The following INHBB variants were observed in gnomAD, a reference collection of about 807,000 sequenced individuals.
The protein encoded by INHBB is inhibin beta B chain.
INHBB carries 8 observed loss-of-function variants against 28.9 expected under a neutral mutation model. The observed-to-expected ratio is 0.28, with a 90% confidence interval of 0.16 to 0.50. The LOEUF (loss-of-function observed/expected upper bound fraction) is 0.50, where lower values mean the gene tolerates loss of function less well. INHBB is among the 20% of genes least tolerant of loss of function. The pLI, the probability that INHBB is intolerant of heterozygous loss-of-function variation, is 0.98. For missense variants in INHBB, 499 were observed against 597.8 expected (o/e 0.83, Z 1.72); for synonymous variants, 293 against 262.7 (o/e 1.12, Z -1.12).
At chr2:120,347,150 G>C (rs886639323) in intron 1 of INHBB, among the ~76,000 whole-genome samples, 1 of 152,174 alleles carries the variant, frequency 6.6e-6, no homozygotes, top group Non-Finnish European at 1.5e-5. Flanking sequence ...TTCCATCACC[G>C]GCGGCGTGGG....
chr2:120,348,170 G>C (rs949851666), intron 1 of INHBB, among the ~76,000 whole-genome samples: 1 of 145,726 alleles, frequency 6.9e-6, no homozygotes, highest in Non-Finnish European at 1.5e-5. Context: ...GGCATGGTGG[G>C]AGGTTTGATA....
In INHBB at chr2:120,349,057, T is replaced by G. The variant is rs1488842766; in HGVS notation, c.449-42T>G. On this transcript the variant is annotated intron_variant, in intron 1 of 1. Transcript: ENST00000295228. The surrounding 1 kb of genome is among the most constrained non-coding windows in gnomAD (Gnocchi z 5.6). ...GTGTGTTTCCCCCATTGCCTTGTGT[T>G]CTCCTTGAATTAACTTGGCTCGCCC... 1 of 1,554,936 alleles carries G rather than the reference T, an allele frequency of 6.4e-7. No homozygotes were observed. The highest frequency in any genetic ancestry group is 1.9e-5 in the Admixed American group (1 of 53,932).
rs1350803575 is a variant in INHBB, at chr2:120,346,594, G to A, written c.406G>A (p.Gly136Ser). 1 of 1,453,806 alleles carries A rather than the reference G, an allele frequency of 6.9e-7. No individual in the cohort carries two copies. The highest frequency in any genetic ancestry group is 9.0e-7 in the Non-Finnish European group (1 of 1,109,876). 90.1% of individuals were successfully genotyped at this position (1,453,806 alleles called of 1,614,324 possible). A position where few individuals can be genotyped will look rare whatever the true frequency, so the allele number is the denominator to read the frequency against. The change falls in exon 1 of 2, where the codon GGC becomes AGC. Residue 136 changes from glycine (G) to serine (S), a missense_variant. This residue lies in a region of INHBB where 385 missense variants were observed against 415.2 expected (regional missense o/e 0.93). Coordinates refer to ENST00000295228, the MANE Select transcript of INHBB (RefSeq NM_002193.4). ...CGGCCACGCCAGCCCGGGCGCCGAC[G>A]GCCAGGAGCGCGTTTCCGAAATCAT... ...LDGHASPGADGQERVSEIISF... is the reference protein window; with the variant it reads ...LDGHASPGADSQERVSEIISF...
rs1691245542 is a variant in INHBB, at chr2:120,350,779, T to C, written c.*905T>C. The stretch of plus-strand genomic sequence containing the variant: ...TTGTTCTAAATGGAAAGAAAAAAAG[T>C]TGCAATCTGTGCCCTTCATTGGGGA... On this transcript the variant is annotated 3_prime_UTR_variant, in exon 2 of 2. Transcript: ENST00000295228. The C allele has an allele frequency of 6.6e-6, 1 of 152,270 alleles. No individual in the cohort carries two copies. The highest frequency in any genetic ancestry group is 1.5e-5 in the Non-Finnish European group (1 of 68,050). 9.4% of individuals were successfully genotyped at this position (152,270 alleles called of 1,614,324 possible).
In INHBB at chr2:120,349,927, C is replaced by T. The variant is rs1573388968; in HGVS notation, c.*53C>T. The stretch of plus-strand genomic sequence containing the variant: ...GGCACGGAGGGCAGTCCCGGGTGGG[C>T]TTCTTCCAGCCCCCGCGGGAACGGG... On this transcript the variant is annotated 3_prime_UTR_variant, in exon 2 of 2. Coordinates refer to ENST00000295228, the MANE Select transcript of INHBB (RefSeq NM_002193.4). This position sits in a 1 kb window ranked among gnomAD's most constrained non-coding sequence, Gnocchi z 5.6. The T allele has an allele frequency of 6.4e-7, 1 of 1,554,246 alleles. No individual in the cohort carries two copies. Among genetic ancestry groups the T allele is most frequent in the Non-Finnish European group, 8.7e-7 (1 of 1,143,530 alleles).
In INHBB at chr2:120,351,656, C is replaced by T. The variant is rs548844896; in HGVS notation, c.*1782C>T. The T allele has an allele frequency of 6.6e-6, 1 of 152,328 alleles. No individual in the cohort carries two copies. The highest frequency in any genetic ancestry group is 2.1e-4 in the South Asian group (1 of 4,828). 9.4% of individuals were successfully genotyped at this position (152,328 alleles called of 1,614,324 possible). A position where few individuals can be genotyped will look rare whatever the true frequency, so the allele number is the denominator to read the frequency against. On this transcript the variant is annotated 3_prime_UTR_variant, in exon 2 of 2. Coordinates refer to ENST00000295228, the MANE Select transcript of INHBB (RefSeq NM_002193.4). ...CTATGATAGAATGCAGGTGTGTATC[C>T]TTAAATCCTCATCTTTATGTTTATT... is the stretch of plus-strand genomic sequence containing the variant.
rs754953119 is a variant in INHBB at position 120,349,467 on chromosome 2, C to T, written c.817C>T (p.Arg273Trp). Residue 273 changes from arginine (R) to tryptophan (W), a missense_variant, in exon 2 of 2, where the codon CGG becomes TGG. Coordinates refer to ENST00000295228, the MANE Select transcript of INHBB (RefSeq NM_002193.4). This position sits in a 1 kb window ranked among gnomAD's most constrained non-coding sequence, Gnocchi z 5.6. ...VFVDPGEESH[R>W]PFVVVQARLG... ...CGTGGACCCAGGCGAAGAGTCGCAC[C>T]GGCCCTTTGTGGTGGTGCAGGCTCG... 2.0e-5 allele frequency: 32 copies of T among 1,613,584 alleles called. No individual in the cohort carries two copies. The highest frequency in any genetic ancestry group is 4.5e-5 in the East Asian group (2 of 44,896).
In INHBB at chr2:120,346,546, C is replaced by T; in HGVS notation, c.358C>T (p.Arg120Cys). 1 of 1,513,414 alleles carries T rather than the reference C, an allele frequency of 6.6e-7. No homozygotes were observed. Among genetic ancestry groups the T allele is most frequent in the Non-Finnish European group, 8.8e-7 (1 of 1,137,414 alleles). 93.7% of individuals were successfully genotyped at this position (1,513,414 alleles called of 1,614,324 possible). A position where few individuals can be genotyped will look rare whatever the true frequency, so the allele number is the denominator to read the frequency against. ...LHAGKVREDG[R>C]VEIPHLDGHA... ...CGCGGGCAAGGTGCGCGAGGACGGCCGCGTGGAGATCCCGCACCTCGACGG... is the reference window on the plus strand; with the variant it reads ...CGCGGGCAAGGTGCGCGAGGACGGCTGCGTGGAGATCCCGCACCTCGACGG... Residue 120 changes from arginine to cysteine, a missense_variant, in exon 1 of 2, where the codon CGC (arginine) becomes TGC (cysteine). By Grantham distance (180) the Arg-to-Cys change is radical (BLOSUM62 -3). Around this residue, in one of 2 missense-constraint regions of INHBB, gnomAD observed 385 missense variants for 415.2 expected, o/e 0.93. Transcript: ENST00000295228.
intron 1 of INHBB, 26 bp downstream of exon 1, chr2:120,346,662 C>G: frequency 1.4e-6 from 2 of 1,402,924 alleles, no homozygotes. Flanking sequence ...CGGCTGTCTG[C>G]CGCGGTCCCC....
Position 120,349,250 on chromosome 2 carries a change from A to G in INHBB, c.600A>G (p.Lys200=), listed in dbSNP as rs1691215307. 1 of 1,614,140 alleles carries G rather than the reference A, an allele frequency of 6.2e-7. No homozygotes were observed. Among genetic ancestry groups the G allele is most frequent in the Non-Finnish European group, 8.5e-7 (1 of 1,180,030 alleles). ...GCAGCCGGCGGAAGGTGCGGGTCAAAGTGTACTTCCAGGAGCAGGGCCACG... is the reference window on the plus strand; with the variant it reads ...GCAGCCGGCGGAAGGTGCGGGTCAAGGTGTACTTCCAGGAGCAGGGCCACG... ...EKGSRRKVRV[K]VYFQEQGHGD... The change falls in exon 2 of 2, where the codon AAA becomes AAG. Residue 200 remains lysine, a synonymous_variant. Transcript: ENST00000295228. The surrounding 1 kb of genome is among the most constrained non-coding windows in gnomAD (Gnocchi z 5.6).
At chr2:120,348,656 CAAAAAAAA>C (rs5833831) in intron 1 of INHBB, among the ~76,000 whole-genome samples, 9 of 74,458 alleles carry the variant, frequency 1.2e-4, no homozygotes, top group African/African-American at 3.2e-4. Flanking sequence ...CTAAGTTAAC[CAAAAAAAA>C]AAAAAAAAAA....
chr2:120,346,778 G>T (rs1364381219), intron 1 of INHBB, 142 bp downstream of exon 1: 33 of 852,756 alleles, frequency 3.9e-5, no homozygotes, highest in Non-Finnish European at 4.4e-5. Context: ...TCCTTCGGCC[G>T]TGGCCCTGCG....
Position 120,349,574 on chromosome 2 carries a change from C to T in INHBB, c.924C>T (p.Phe308=). 6.2e-7 allele frequency: 1 copy of T among 1,614,124 alleles called. No homozygotes were observed. The highest frequency in any genetic ancestry group is 8.5e-7 in the Non-Finnish European group (1 of 1,180,040). ...CCAACCTCTGTTGCAGGCAACAGTT[C>T]TTCATTGACTTCCGCCTCATCGGCT... ...GRTNLCCRQQ[F]FIDFRLIGWN... Residue 308 remains phenylalanine, a synonymous_variant, in exon 2 of 2, where the codon TTC becomes TTT. Transcript: ENST00000295228. This position sits in a 1 kb window ranked among gnomAD's most constrained non-coding sequence, Gnocchi z 5.6.
Position 120,349,209 on chromosome 2 carries a change from T to C in INHBB, c.559T>C (p.Tyr187His), listed in dbSNP as rs1691214449. Residue 187 changes from tyrosine to histidine, a missense_variant, in exon 2 of 2, where the codon TAC becomes CAC. This residue lies in a region of INHBB where 385 missense variants were observed against 415.2 expected (regional missense o/e 0.93). Transcript: ENST00000295228. This position sits in a 1 kb window ranked among gnomAD's most constrained non-coding sequence, Gnocchi z 5.6. ...GTGGCTTTACCTGAAACTCCTGCCC[T>C]ACGTCCTGGAGAAGGGCAGCCGGCG... The part of the protein sequence containing the change: ...SLWLYLKLLP[Y>H]VLEKGSRRKV... 6.2e-7 allele frequency: 1 copy of C among 1,614,008 alleles called. No homozygotes were observed. Among genetic ancestry groups the C allele is most frequent in the Admixed American group, 1.7e-5 (1 of 60,012 alleles).
At chr2:120,347,716 C>G (rs201425176) in intron 1 of INHBB, among the ~76,000 whole-genome samples, 191 of 152,312 alleles carry the variant, frequency 1.3e-3, no homozygotes, top group Non-Finnish European at 1.8e-3. Context: ...GCCCCCCACC[C>G]CACCAGGCAG....
At chr2:120,348,928 C>T (rs1432247907) in intron 1 of INHBB, among the ~76,000 whole-genome samples, 171 bp from the exon 2 acceptor site, 2 of 152,302 alleles carry the variant, frequency 1.3e-5, no homozygotes, top group Non-Finnish European at 2.9e-5. Flanking sequence ...TTCTCTGCCT[C>T]TCCCAGGTTA....
chr2:120,349,954 G>T lies in INHBB; in HGVS notation c.*80G>T. 7.2e-7 allele frequency: 1 copy of T among 1,394,664 alleles called. No individual in the cohort carries two copies. The highest frequency in any genetic ancestry group is 2.4e-5 in the East Asian group (1 of 41,814). The allele number at this position is 1,394,664 out of a possible 1,614,324, so 86.4% of individuals were successfully genotyped here. A position where few individuals can be genotyped will look rare whatever the true frequency, so the allele number is the denominator to read the frequency against. On this transcript the variant is annotated 3_prime_UTR_variant, in exon 2 of 2. Coordinates refer to ENST00000295228, the MANE Select transcript of INHBB (RefSeq NM_002193.4). The surrounding 1 kb of genome is among the most constrained non-coding windows in gnomAD (Gnocchi z 5.6). ...TCTTCCAGCCCCCGCGGGAACGGGG[G>T]TACACGGTGGGCTGAGTACAGTCAT...
At chr2:120,347,064 GGA>G (rs919508181) in intron 1 of INHBB, among the ~76,000 whole-genome samples, 1 of 152,226 alleles carries the variant, frequency 6.6e-6, no homozygotes, top group Non-Finnish European at 1.5e-5. Flanking sequence ...GTGGGCCGGA[GGA>G]GAGAGAGAGT....
chr2:120,350,253 C>A lies in INHBB; in HGVS notation c.*379C>A, dbSNP rs1691236330. On this transcript the variant is annotated 3_prime_UTR_variant, in exon 2 of 2. Transcript: ENST00000295228. ...GCAGCCACCATTCCCACCAGCTGGC[C>A]CGGCCACTCTGAATTGCGCCTTCCG... 4.1e-6 allele frequency: 1 copy of A among 243,158 alleles called. No individual in the cohort carries two copies. The highest frequency in any genetic ancestry group is 2.2e-5 in the African/African-American group (1 of 44,496). 15.1% of individuals were successfully genotyped at this position (243,158 alleles called of 1,614,324 possible). A position where few individuals can be genotyped will look rare whatever the true frequency, so the allele number is the denominator to read the frequency against.
Sources: gnomAD v4.1 joint callset for allele counts (sites outside exome capture counted in the v4.1 genomes callset) on GRCh38, gnomAD v4.1.1 for gene constraint, gnomAD v4.1.1 regional missense constraint, Gnocchi (gnomAD v3.1) non-coding constraint, MANE v1.5 for transcripts, NCBI Gene and HGNC (gene_info 2026-07-23, HGNC 2026-07-21) for gene names.